VPS54: variants seen among roughly 807,000 people sequenced by gnomAD.
VPS54 encodes vacuolar protein sorting-associated protein 54.
VPS54 carries 45 observed loss-of-function variants against 121.5 expected under a neutral mutation model. That is an observed-to-expected ratio of 0.37 (90% confidence interval 0.29 to 0.47). The LOEUF is 0.47. VPS54 is among the 20% of genes least tolerant of loss of function. VPS54 has a pLI of 0.99. For synonymous variants in VPS54, 371 were observed against 385.8 expected, an observed-to-expected ratio of 0.96 and a Z score of 0.45; for missense variants, 1,090 against 1,131.4, an observed-to-expected ratio of 0.96 and a Z score of 0.52.
chr2:64,011,839 A>G (rs1165200470), intron 1 of VPS54, among the ~76,000 whole-genome samples: 1 of 152,054 alleles, frequency 6.6e-6, no homozygotes, highest in African/African-American at 2.4e-5. Context: ...GGTACTGAAG[A>G]ATAAATATGT....
At chr2:63,934,632 C>T (rs972984823) in intron 11 of VPS54, among the ~76,000 whole-genome samples, 3 of 152,068 alleles carry the variant, frequency 2.0e-5, no homozygotes, top group African/African-American at 7.2e-5. Flanking sequence ...TGAATCTCCA[C>T]CCAGCAACTC....
chr2:63,985,680 T>TACACACACAC (rs3079061), intron 1 of VPS54, among the ~76,000 whole-genome samples: 146 of 145,032 alleles, frequency 1.0e-3, no homozygotes, highest in African/African-American at 3.0e-3. Flanking sequence ...TGACAAATTA[T>TACACACACAC]ACACACACAC....
chr2:64,018,664 AGG>A (rs1417137867), intron 1 of VPS54, among the ~76,000 whole-genome samples: 2 of 148,510 alleles, frequency 1.3e-5, no homozygotes, highest in African/African-American at 2.5e-5. Flanking sequence ...AAGATAAGAG[AGG>A]GGCAAGAGCG....
intron 3 of VPS54, among the ~76,000 whole-genome samples, chr2:63,979,430 A>T (rs2104608428): frequency 6.6e-6 from 1 of 151,664 alleles, no homozygotes; most frequent in Non-Finnish European, 1.5e-5. Context: ...TTATAGAGAC[A>T]GGGTTTCACC....
At chr2:63,972,378 T>A in intron 3 of VPS54, 134 bp from the exon 4 acceptor site, 1 of 536,488 alleles carries the variant, frequency 1.9e-6, no homozygotes, top group Admixed American at 3.3e-5. Flanking sequence ...ACTAGCCTCC[T>A]GAACTTAAAT....
intron 3 of VPS54, among the ~76,000 whole-genome samples, chr2:63,973,122 G>T (rs1214046838): frequency 6.6e-6 from 1 of 152,120 alleles, no homozygotes; most frequent in African/African-American, 2.4e-5. Context: ...TTTCCAAAGT[G>T]GCCATACCAC....
chr2:63,984,795 G>A (rs1385973939), intron 1 of VPS54, among the ~76,000 whole-genome samples: 1 of 152,104 alleles, frequency 6.6e-6, no homozygotes, highest in African/African-American at 2.4e-5. Context: ...CATAATACAG[G>A]CTACAGGGTC....
intron 11 of VPS54, 88 bp from the exon 12 acceptor site, chr2:63,934,101 G>A: frequency 8.5e-7 from 1 of 1,182,716 alleles, no homozygotes; most frequent in Non-Finnish European, 1.2e-6. Context: ...TGTAATTTTG[G>A]ACATCTATAA....
intron 20 of VPS54, among the ~76,000 whole-genome samples, chr2:63,901,354 A>T (rs915162015): frequency 7.9e-5 from 12 of 152,238 alleles, no homozygotes; most frequent in Non-Finnish European, 1.3e-4. Context: ...ACCACAAGAG[A>T]AGCAAGTAAG....
intron 12 of VPS54, 93 bp downstream of exon 12, chr2:63,933,580 T>A (rs1362081595): frequency 8.4e-7 from 1 of 1,189,808 alleles, no homozygotes; most frequent in Non-Finnish European, 1.2e-6. Flanking sequence ...AAAATTTACA[T>A]GGTTTTTCAA....
chr2:63,989,302 G>A (rs747399601), intron 1 of VPS54, among the ~76,000 whole-genome samples: 5 of 152,118 alleles, frequency 3.3e-5, no homozygotes, highest in East Asian at 1.9e-4. Flanking sequence ...CTTGAAGCAC[G>A]TGATCTCTGT....
intron 12 of VPS54, among the ~76,000 whole-genome samples, chr2:63,923,893 A>T (rs1449815547): frequency 6.6e-6 from 1 of 152,212 alleles, no homozygotes; most frequent in Non-Finnish European, 1.5e-5. Context: ...TACCACAAAA[A>T]CACTTGCTAC....
chr2:64,007,391 T>C (rs1465517041), intron 1 of VPS54, among the ~76,000 whole-genome samples: 1 of 152,198 alleles, frequency 6.6e-6, no homozygotes, highest in African/African-American at 2.4e-5. Context: ...GTAGACGAGA[T>C]AAAAATTACA....
chr2:63,946,228 TTAA>T (rs200582703), intron 9 of VPS54, among the ~76,000 whole-genome samples: 1,872 of 152,306 alleles, frequency 0.012, 17 homozygotes, highest in Non-Finnish European at 0.015. Flanking sequence ...TTCATTCTCA[TTAA>T]TGTATAGTAT....
intron 1 of VPS54, among the ~76,000 whole-genome samples, chr2:63,996,500 A>ACAGG (rs1677598901): frequency 6.6e-6 from 1 of 152,204 alleles, no homozygotes; most frequent in South Asian, 2.1e-4. Flanking sequence ...TGAAAAAAGA[A>ACAGG]CAGGATAACA....
chr2:63,996,203 G>A (rs1046187808), intron 1 of VPS54, among the ~76,000 whole-genome samples: 1 of 152,194 alleles, frequency 6.6e-6, no homozygotes, highest in Non-Finnish European at 1.5e-5. Context: ...AAATTGTGAA[G>A]ATTTCATGGA....
chr2:63,902,805 T>TA (rs1672739626), intron 20 of VPS54, among the ~76,000 whole-genome samples: 1 of 152,008 alleles, frequency 6.6e-6, no homozygotes, highest in East Asian at 1.9e-4. Context: ...CCATCTCTAC[T>TA]AAAAATATGA....
chr2:64,011,568 A>AG (rs1327197029), intron 1 of VPS54, among the ~76,000 whole-genome samples: 1 of 152,110 alleles, frequency 6.6e-6, no homozygotes, highest in Non-Finnish European at 1.5e-5. Flanking sequence ...CCATCTCAAA[A>AG]GAAAAAAAAA....
At chr2:63,974,964 C>T in intron 3 of VPS54, 3 of 1,543,034 alleles carry the variant, frequency 1.9e-6, no homozygotes, top group Non-Finnish European at 2.6e-6. Context: ...TTAAAAGAAA[C>T]AGTGACAGGG....
Sources: gnomAD v4.1 joint callset for allele counts (sites outside exome capture counted in the v4.1 genomes callset) on GRCh38, gnomAD v4.1.1 for gene constraint, MANE v1.5 for transcripts, NCBI Gene and HGNC (gene_info 2026-07-23, HGNC 2026-07-21) for gene names.